Variants in PI16 observed in about 807,000 individuals in gnomAD.
The protein encoded by PI16 is PSP94-binding protein.
A neutral mutation model predicts 38.0 loss-of-function variants in PI16; 35 were observed. That is an observed-to-expected ratio of 0.92 (90% CI 0.70 to 1.22). The LOEUF (loss-of-function observed/expected upper bound fraction) is 1.22. Among genes scored for constraint, PI16 ranks in the 50% most tolerant of loss-of-function variants. The pLI is 0.00. For missense variants in PI16, 572 were observed against 593.8 expected, an observed-to-expected ratio of 0.96 and a Z score of 0.38; for synonymous variants, 275 against 252.9, an observed-to-expected ratio of 1.09 and a Z score of -0.83.
chr6:36,954,907 G>A lies in PI16; in HGVS notation c.147G>A (p.Pro49=), dbSNP rs758847163. The A allele has an allele frequency of 3.7e-6, 6 of 1,613,436 alleles. No homozygotes were observed. Among genetic ancestry groups the A allele is most frequent in the Non-Finnish European group, 4.2e-6 (5 of 1,179,990 alleles). ...LHNLYRAQVS[P]TASDMLHMRW... Reference sequence around the variant, plus strand: ...ACCTCTACCGGGCCCAGGTATCCCCGACGGCCTCAGACATGCTGCACATGG... The same window carrying A: ...ACCTCTACCGGGCCCAGGTATCCCCAACGGCCTCAGACATGCTGCACATGG... Residue 49 remains proline, a synonymous_variant, in exon 1 of 7, where the codon CCG becomes CCA. Coordinates refer to ENST00000373674, the MANE Select transcript of PI16 (RefSeq NM_153370.3).
chr6:36,948,503 T>C (rs1763046426), intron 1 of PI16: 1 of 152,208 alleles, frequency 6.6e-6, no homozygotes, highest in Non-Finnish European at 1.5e-5. Context: ...CTCACTTTGT[T>C]GCCTAGGCTG....
Position 36,962,087 on chromosome 6 carries a change from G to A in PI16, c.592+113G>A. On this transcript the variant is annotated intron_variant, in intron 4 of 6. Transcript: ENST00000373674. This position sits in a 1 kb window ranked among gnomAD's most constrained non-coding sequence, Gnocchi z 4.1. ...CGGGACGTGGGCAGGGAAGGAGCCT[G>A]GTGGGATGCGACCACCGGGGGCCCC... 1.2e-6 allele frequency: 1 copy of A among 833,588 alleles called. No homozygotes were observed. The highest frequency in any genetic ancestry group is 2.6e-5 in the East Asian group (1 of 39,002). 51.6% of individuals were successfully genotyped at this position (833,588 alleles called of 1,614,324 possible). A position where few individuals can be genotyped will look rare whatever the true frequency, so the allele number is the denominator to read the frequency against.
At chr6:36,950,517 G>A (rs1442133371), upstream of PI16, among the ~76,000 whole-genome samples, 3 of 151,734 alleles carry the variant, frequency 2.0e-5, no homozygotes, top group East Asian at 1.9e-4. The surrounding 1 kb of genome is among the most constrained non-coding windows in gnomAD (Gnocchi z 4.2). Flanking sequence ...TATCAACACC[G>A]GTGTACAAAT....
chr6:36,952,778 G>A (rs1763119870), upstream of PI16, among the ~76,000 whole-genome samples: 1 of 151,972 alleles, frequency 6.6e-6, no homozygotes, highest in Non-Finnish European at 1.5e-5. Flanking sequence ...TGACTATTTG[G>A]GGTCCTTTGA....
chr6:36,954,819 C>T lies in PI16; in HGVS notation c.59C>T (p.Ala20Val), dbSNP rs755388075. The T allele has an allele frequency of 1.2e-6, 2 of 1,614,096 alleles. No homozygotes were observed. Among genetic ancestry groups the T allele is most frequent in the Non-Finnish European group, 1.7e-6 (2 of 1,180,022 alleles). The part of the protein sequence containing the change: ...LLLPLLLLLV[A>V]TTGPVGALTD... ...CTGCCGCTACTGCTACTGCTGGTGG[C>T]CACCACAGGCCCCGTTGGAGCCCTC... The change falls in exon 1 of 7, where the codon GCC becomes GTC. Residue 20 changes from alanine to valine, a missense_variant. Ala to Val is a moderately conservative substitution (Grantham distance 64). Coordinates refer to ENST00000373674, the MANE Select transcript of PI16 (RefSeq NM_153370.3).
rs199875004 is a variant in PI16 at position 36,963,192 on chromosome 6, G to A, written c.850G>A (p.Val284Ile). The A allele has an allele frequency of 2.5e-4, 402 of 1,614,114 alleles. No individual in the cohort carries two copies. The highest frequency in any genetic ancestry group is 2.2e-4 in the Non-Finnish European group (254 of 1,180,048). Residue 284 changes from valine (V) to isoleucine (I), a missense_variant, in exon 5 of 7, where the codon GTA (valine) becomes ATA (isoleucine). Coordinates refer to ENST00000373674, the MANE Select transcript of PI16 (RefSeq NM_153370.3). The part of the protein sequence containing the change: ...PSMATEAPPC[V>I]TTEVPSILAA... The stretch of plus-strand genomic sequence containing the variant: ...CATGGCAACAGAGGCTCCACCTTGC[G>A]TAACAACTGAGGTCCCTTCCATTTT...
Position 36,963,666 on chromosome 6 carries a change from C to A in PI16, c.1270+54C>A, listed in dbSNP as rs1763436703. 3 of 1,583,370 alleles carry A rather than the reference C, an allele frequency of 1.9e-6. No individual in the cohort carries two copies. The South Asian group carries it at 3.5e-5, about 18-fold the overall frequency. On this transcript the variant is annotated intron_variant, in intron 5 of 6. Transcript: ENST00000373674. ...CCTCCTGGCTCTGGAATGTCAGTAT[C>A]CTGCCCCAGCATAGGTGGTATGAGC...
intron 1 of PI16, among the ~76,000 whole-genome samples, chr6:36,949,130 C>T (rs1289840240): frequency 6.8e-6 from 1 of 147,934 alleles, no homozygotes; most frequent in Non-Finnish European, 1.5e-5. Flanking sequence ...TCTCTCTCTT[C>T]CTCTCTTTCT....
chr6:36,963,033 G>A lies in PI16; in HGVS notation c.691G>A (p.Gly231Ser), dbSNP rs1763414987. The A allele has an allele frequency of 1.2e-6, 2 of 1,614,066 alleles. No individual in the cohort carries two copies. The highest frequency in any genetic ancestry group is 1.7e-6 in the Non-Finnish European group (2 of 1,180,038). ...ATEASDSRKM[G>S]TPSSLATGIP... The stretch of plus-strand genomic sequence containing the variant: ...TGAAGCATCAGACTCTAGGAAAATG[G>A]GTACTCCTTCTTCCCTAGCAACGGG... The change falls in exon 5 of 7, where the codon GGT becomes AGT. Residue 231 changes from glycine to serine, a missense_variant. Transcript: ENST00000373674.
intron 1 of PI16, among the ~76,000 whole-genome samples, chr6:36,948,651 T>C (rs1334325057): frequency 1.4e-4 from 3 of 21,472 alleles, no homozygotes; most frequent in South Asian, 2.1e-3. Context: ...CCTTCCTCCC[T>C]CCCTCCTTCC....
rs756458832 is a variant in PI16 at position 36,963,542 on chromosome 6, T to C, written c.1200T>C (p.Asn400=). ...ACACCTCCTCCAAGTCCCTGCCCAA[T>C]TTCCCCAATACCTCTGCCACCGCTA... ...TGHTSSKSLP[N]FPNTSATANA... Residue 400 remains asparagine, a synonymous_variant, in exon 5 of 7, where the codon AAT becomes AAC. Coordinates refer to ENST00000373674, the MANE Select transcript of PI16 (RefSeq NM_153370.3). 2.0e-5 allele frequency: 33 copies of C among 1,614,048 alleles called. No homozygotes were observed. The highest frequency in any genetic ancestry group is 2.6e-5 in the Non-Finnish European group (31 of 1,180,034).
chr6:36,953,335 CAA>C (rs55778632), upstream of PI16, among the ~76,000 whole-genome samples: 2,985 of 124,148 alleles, frequency 0.024, 94 homozygotes, highest in African/African-American at 0.078. Context: ...GACTCCATCT[CAA>C]AAAAAAAAAA....
upstream of PI16, chr6:36,954,582 C>A: frequency 1.1e-6 from 1 of 895,000 alleles, no homozygotes. Context: ...AAGGGGAGTG[C>A]ACTTGATGCT....
chr6:36,961,796 C>A, intron 3 of PI16, 90 bp from the exon 4 acceptor site: 1 of 1,167,138 alleles, frequency 8.6e-7, no homozygotes, highest in Non-Finnish European at 1.3e-6. Flanking sequence ...GACCCAAGGG[C>A]ATTTCCAGAG....
intron 1 of PI16, among the ~76,000 whole-genome samples, chr6:36,958,484 G>A (rs140784900): frequency 1.3e-5 from 2 of 152,306 alleles, no homozygotes; most frequent in Non-Finnish European, 2.9e-5. Flanking sequence ...TCTGAAAGTA[G>A]GCCCCTTGGT....
At chr6:36,950,717 G>A (rs779539004), upstream of PI16, among the ~76,000 whole-genome samples, 17 of 151,992 alleles carry the variant, frequency 1.1e-4, no homozygotes, top group Non-Finnish European at 2.4e-4. The surrounding 1 kb of genome is among the most constrained non-coding windows in gnomAD (Gnocchi z 4.2). Flanking sequence ...CTAATTTTGC[G>A]CTTTTGGCAA....
At chr6:36,957,888 G>A (rs888010868) in intron 1 of PI16, among the ~76,000 whole-genome samples, 6 of 152,302 alleles carry the variant, frequency 3.9e-5, no homozygotes, top group South Asian at 2.1e-4. Context: ...CCGGCACCTC[G>A]CAGGTGATCT....
chr6:36,958,940 A>T (rs1763273680), intron 1 of PI16, among the ~76,000 whole-genome samples: 1 of 152,132 alleles, frequency 6.6e-6, no homozygotes, highest in South Asian at 2.1e-4. Flanking sequence ...ACAGCTGGTG[A>T]ATGGTCCAGC....
rs1277658992 is a variant in PI16 at position 36,964,377 on chromosome 6, C to A, written c.*19-9C>A. 6.3e-6 allele frequency: 1 copy of A among 158,058 alleles called. No homozygotes were observed. Among genetic ancestry groups the A allele is most frequent in the Non-Finnish European group, 1.4e-5 (1 of 71,354 alleles). The allele number at this position is 158,058 out of a possible 1,614,324, so 9.8% of individuals were successfully genotyped here. ...GACTGTTCCCCAGAAGTGCCTCTTG[C>A]CTTCTCAGGGTGAAGAGGTCAGCTG... On this transcript the variant is annotated splice_polypyrimidine_tract_variant and intron_variant, in intron 6 of 6. Coordinates refer to ENST00000373674, the MANE Select transcript of PI16 (RefSeq NM_153370.3).
Sources: allele counts gnomAD v4.1 joint callset (sites outside exome capture counted in the v4.1 genomes callset), GRCh38; gene constraint gnomAD v4.1.1; non-coding constraint Gnocchi (gnomAD v3.1); transcripts MANE v1.5; gene names NCBI Gene and HGNC (gene_info 2026-07-23, HGNC 2026-07-21).